SLC12A2: variants seen among roughly 807,000 people sequenced by gnomAD.
SLC12A2 encodes the protein solute carrier family 12 member 2, also known as Na-K-2Cl cotransporter 1.
SLC12A2 carries 67 observed loss-of-function variants against 136.3 expected under a neutral mutation model. The observed-to-expected ratio is 0.49, with a 90% CI of 0.40 to 0.60. The LOEUF is 0.60. SLC12A2 is among the 20% of genes least tolerant of loss of function. The probability of loss-of-function intolerance (pLI) is 0.00; values close to 1 mark genes in which losing one functional copy is unlikely to be tolerated. For missense variants in SLC12A2, 1,322 were observed against 1,534.7 expected (o/e 0.86, Z 2.32); for synonymous variants, 619 against 562.9 (o/e 1.10, Z -1.41).
At chr5:128,171,936 A>G (rs1207679532) in intron 19 of SLC12A2, 190 bp downstream of exon 19, 3 of 441,052 alleles carry the variant, frequency 6.8e-6, no homozygotes, top group Non-Finnish European at 1.2e-5. Flanking sequence ...ACCAACCTGG[A>G]TGATGGTTAG....
intron 1 of SLC12A2, among the ~76,000 whole-genome samples, chr5:128,086,496 T>C (rs1237137050): frequency 6.6e-6 from 1 of 152,178 alleles, no homozygotes; most frequent in African/African-American, 2.4e-5. Context: ...CTAGTTGTTA[T>C]TTCCCTCTTA....
At chr5:128,108,441 C>A (rs890898232) in intron 1 of SLC12A2, among the ~76,000 whole-genome samples, 1 of 152,084 alleles carries the variant, frequency 6.6e-6, no homozygotes, top group Admixed American at 6.6e-5. Flanking sequence ...AGTGGCATAT[C>A]CATACTATGG....
chr5:128,161,794 G>A lies in SLC12A2; in HGVS notation c.2610G>A (p.Leu870=). ...ACTTGAGAGAAGGTGCACAGTATTT[G>A]ATGCAGGTAACTTTGTTAATGCTTT... ...ADDLREGAQY[L]MQAAGLGRMK... The change falls in exon 17 of 27, where the codon TTG becomes TTA. Residue 870 remains leucine (L), a synonymous_variant. Coordinates refer to ENST00000262461, the MANE Select transcript of SLC12A2 (RefSeq NM_001046.3). The A allele has an allele frequency of 2.1e-6, 3 of 1,452,000 alleles. No homozygotes were observed. The highest frequency in any genetic ancestry group is 2.7e-6 in the Non-Finnish European group (3 of 1,103,444). 89.9% of individuals were successfully genotyped at this position (1,452,000 alleles called of 1,614,324 possible).
In SLC12A2 at chr5:128,171,692, G is replaced by A. The variant is rs1022044985; in HGVS notation, c.2749G>A (p.Val917Ile). ...TGATGCTTTTGACATACAATATGGAGTAGTGGTTATTCGCCTAAAAGAAGG... is the reference window on the plus strand; with the variant it reads ...TGATGCTTTTGACATACAATATGGAATAGTGGTTATTCGCCTAAAAGAAGG... ...FHDAFDIQYGVVVIRLKEGLD... is the reference protein window; with the variant it reads ...FHDAFDIQYGIVVIRLKEGLD... Residue 917 changes from valine (V) to isoleucine (I), a missense_variant, in exon 19 of 27, where the codon GTA becomes ATA. Coordinates refer to ENST00000262461, the MANE Select transcript of SLC12A2 (RefSeq NM_001046.3). 1 of 1,587,120 alleles carries A rather than the reference G, an allele frequency of 6.3e-7. No individual in the cohort carries two copies. Among genetic ancestry groups the A allele is most frequent in the Non-Finnish European group, 8.5e-7 (1 of 1,171,294 alleles).
chr5:128,174,742 A>ACC (rs1763489387), intron 20 of SLC12A2, 76 bp downstream of exon 20: 1 of 1,151,884 alleles, frequency 8.7e-7, no homozygotes, highest in Non-Finnish European at 1.2e-6. Context: ...ATTATATAAT[A>ACC]TGTCTTATAA....
At chr5:128,159,954 C>T (rs982530711) in intron 16 of SLC12A2, among the ~76,000 whole-genome samples, 5 of 152,276 alleles carry the variant, frequency 3.3e-5, no homozygotes, top group Non-Finnish European at 7.3e-5. Flanking sequence ...TTTATTGTGG[C>T]ACTGTTGACA....
chr5:128,184,568 A>G (rs1413951388), intron 25 of SLC12A2, 67 bp downstream of exon 25: 1 of 1,390,520 alleles, frequency 7.2e-7, no homozygotes, highest in Non-Finnish European at 9.7e-7. Flanking sequence ...CAAGAACTTT[A>G]ATTTGATATA....
At chr5:128,145,471 G>A (rs1054439536) in intron 10 of SLC12A2, among the ~76,000 whole-genome samples, 3 of 152,038 alleles carry the variant, frequency 2.0e-5, no homozygotes, top group African/African-American at 7.2e-5. Flanking sequence ...AAGGTTGTCA[G>A]TTCTAAATAA....
intron 26 of SLC12A2, among the ~76,000 whole-genome samples, chr5:128,185,206 G>A (rs929657892): frequency 3.3e-5 from 5 of 152,044 alleles, no homozygotes; most frequent in South Asian, 2.1e-4. Context: ...TTTGGGCCCC[G>A]GACAGCTTCC....
At chr5:128,139,171 A>T (rs974235376) in intron 9 of SLC12A2, among the ~76,000 whole-genome samples, 3 of 152,140 alleles carry the variant, frequency 2.0e-5, no homozygotes, top group Non-Finnish European at 4.4e-5. Context: ...ATGAAATTGC[A>T]TCTATAAACT....
chr5:128,131,336 A>G, intron 5 of SLC12A2, 130 bp downstream of exon 5: 1 of 937,934 alleles, frequency 1.1e-6, no homozygotes, highest in Non-Finnish European at 1.6e-6. Context: ...AAAGTTTACT[A>G]CAGGAGATAG....
At chr5:128,087,355 C>A (rs1760139632) in intron 1 of SLC12A2, among the ~76,000 whole-genome samples, 1 of 152,166 alleles carries the variant, frequency 6.6e-6, no homozygotes, top group South Asian at 2.1e-4. Flanking sequence ...CAGACATTAA[C>A]AAAGTAGTTG....
Position 128,135,910 on chromosome 5 carries a change from A to G in SLC12A2, c.1408+102A>G, listed in dbSNP as rs533596210. 249 of 745,152 alleles carry G rather than the reference A, an allele frequency of 3.3e-4. 1 individual carries two copies. Among genetic ancestry groups the G allele is most frequent in the African/African-American group, 1.2e-3 (69 of 56,142 alleles). The allele number at this position is 745,152 out of a possible 1,614,324, so 46.2% of individuals were successfully genotyped here. A position where few individuals can be genotyped will look rare whatever the true frequency, so the allele number is the denominator to read the frequency against. Reference sequence around the variant, plus strand: ...CAGATATTTTGTAACAGAATTGACTATGGTTTGGTGATTCACCCTAATTTA... The same window carrying G: ...CAGATATTTTGTAACAGAATTGACTGTGGTTTGGTGATTCACCCTAATTTA... On this transcript the variant is annotated intron_variant, in intron 7 of 26. Transcript: ENST00000262461.
At chr5:128,109,874 G>A in intron 1 of SLC12A2, 1 of 788,802 alleles carries the variant, frequency 1.3e-6, no homozygotes, top group Non-Finnish European at 2.3e-6. Flanking sequence ...AAAAGAGCCA[G>A]TGTGCCATGA....
At chr5:128,102,145 CT>C (rs1374363050) in intron 1 of SLC12A2, among the ~76,000 whole-genome samples, 2 of 151,786 alleles carry the variant, frequency 1.3e-5, no homozygotes, top group African/African-American at 4.8e-5. Flanking sequence ...TGAGCTCTTA[CT>C]TTATTAATGT....
chr5:128,106,330 T>C (rs1202819393), intron 1 of SLC12A2, among the ~76,000 whole-genome samples: 1 of 152,188 alleles, frequency 6.6e-6, no homozygotes, highest in African/African-American at 2.4e-5. Flanking sequence ...AGTTCATAAT[T>C]GCACACTTGA....
rs979943861 is a variant in SLC12A2 at position 128,111,657 on chromosome 5, C to G, written c.757-1157C>G. Reference sequence around the variant, plus strand: ...GTGGGCGCCTGTAGTCCCAGCTACTCGGGAGGCTGAGGCAGGAGAATGGCA... The same window carrying G: ...GTGGGCGCCTGTAGTCCCAGCTACTGGGGAGGCTGAGGCAGGAGAATGGCA... On this transcript the variant is annotated intron_variant, in intron 1 of 26. Coordinates refer to ENST00000262461, the MANE Select transcript of SLC12A2 (RefSeq NM_001046.3). Among the ~76,000 whole-genome samples, 4 of 150,698 alleles carry G rather than the reference C, an allele frequency of 2.7e-5. No homozygotes were observed. The Admixed American group carries it at 2.7e-4, about 10-fold the overall frequency.
intron 11 of SLC12A2, 62 bp downstream of exon 11, chr5:128,147,791 A>G: frequency 1.0e-6 from 1 of 987,544 alleles, no homozygotes; most frequent in East Asian, 2.4e-5. Flanking sequence ...TTCTCAATTT[A>G]GAATTGTTGC....
chr5:128,167,659 G>A (rs1477371622), intron 17 of SLC12A2, 102 bp from the exon 18 acceptor site: 1 of 681,684 alleles, frequency 1.5e-6, no homozygotes. Context: ...TTTGTTAAGA[G>A]TGTCTATAGA....
Sources: allele counts gnomAD v4.1 joint callset (sites outside exome capture counted in the v4.1 genomes callset), GRCh38; gene constraint gnomAD v4.1.1; transcripts MANE v1.5; gene names NCBI Gene and HGNC (gene_info 2026-07-23, HGNC 2026-07-21).